Variants in CRACD observed in about 807,000 individuals in gnomAD.
The protein encoded by CRACD is capping protein inhibiting regulator of actin dynamics.
Under a neutral mutation model 106.8 loss-of-function variants are expected in CRACD, and 56 were observed. The ratio of observed to expected loss-of-function variants is 0.52; its 90% CI spans 0.42 to 0.66. The LOEUF (loss-of-function observed/expected upper bound fraction) is 0.66, where lower values mean the gene tolerates loss of function less well. CRACD is among the 30% of genes least tolerant of loss of function. The pLI is 0.00. For synonymous variants in CRACD, 754 were observed against 670.8 expected (o/e 1.12, Z -1.92); for missense variants, 1,730 against 1,623.2 (o/e 1.07, Z -1.13).
intron 2 of CRACD, among the ~76,000 whole-genome samples, chr4:56,267,194 C>T (rs886077972): frequency 6.6e-6 from 1 of 151,376 alleles, no homozygotes. Context: ...GATCTCGGCT[C>T]ACTACAACCT....
At chr4:56,289,607 G>A (rs540647545) in intron 3 of CRACD, among the ~76,000 whole-genome samples, 17 of 151,240 alleles carry the variant, frequency 1.1e-4, no homozygotes, top group African/African-American at 3.6e-4. Context: ...TGGAGAGTTC[G>A]AAGCTGCAGT....
At chr4:56,255,104 A>T (rs1741272528) in intron 2 of CRACD, among the ~76,000 whole-genome samples, 1 of 115,010 alleles carries the variant, frequency 8.7e-6, no homozygotes, top group South Asian at 3.4e-4. Flanking sequence ...ACAGAGTGAG[A>T]CTCCATCTCA....
chr4:56,127,412 G>A (rs1032517639), intron 1 of CRACD, among the ~76,000 whole-genome samples: 1 of 152,196 alleles, frequency 6.6e-6, no homozygotes, highest in African/African-American at 2.4e-5. Flanking sequence ...AAAGAGAGGA[G>A]TGCATTTTTT....
chr4:56,175,417 A>G (rs536330999), intron 1 of CRACD, among the ~76,000 whole-genome samples: 3 of 152,256 alleles, frequency 2.0e-5, no homozygotes, highest in East Asian at 3.9e-4. Context: ...GCATTTCCCT[A>G]ATGATTAATA....
chr4:56,202,448 T>C (rs1737926241), intron 2 of CRACD, among the ~76,000 whole-genome samples: 1 of 152,194 alleles, frequency 6.6e-6, no homozygotes, highest in Non-Finnish European at 1.5e-5. Context: ...AGTTTTGTCA[T>C]GTTGGCCAGG....
In CRACD at chr4:56,172,020, C is replaced by CTTTTTTTTT. The variant is rs35574683; in HGVS notation, c.-335-7257_-335-7249dup. 1.5e-4 allele frequency among the ~76,000 whole-genome samples: 16 copies of CTTTTTTTTT among 106,390 alleles called. 3 individuals carry two copies. Among genetic ancestry groups the CTTTTTTTTT allele is most frequent in the African/African-American group, 2.5e-4 (7 of 28,380 alleles). 69.8% of individuals were successfully genotyped at this position (106,390 alleles called of 152,430 possible). On this transcript the variant is annotated intron_variant, in intron 1 of 10. Coordinates refer to ENST00000682029, the MANE Select transcript of CRACD (RefSeq NM_001393381.1). ...GTGGAGGTATCTTTTGAGGGTTTCT[C>CTTTTTTTTT]TTTTTTTTTTTTTTTCAACTTTACA...
chr4:56,093,562 CT>C (rs763409078), intron 1 of CRACD, among the ~76,000 whole-genome samples: 35 of 152,314 alleles, frequency 2.3e-4, no homozygotes, highest in South Asian at 4.1e-4. Flanking sequence ...ACCTTCCCTT[CT>C]TTTAAAGGCT....
chr4:56,254,085 A>G (rs534424008), intron 2 of CRACD, among the ~76,000 whole-genome samples: 1 of 152,224 alleles, frequency 6.6e-6, no homozygotes, highest in South Asian at 2.1e-4. Context: ...AGCAATTGTT[A>G]TCTCTTTTGT....
In CRACD at chr4:56,210,763, G is replaced by C. The variant is rs895659226; in HGVS notation, c.-189+31333G>C. ...AAAACGATTTGAAGATTGCCAGTTA[G>C]ATGAGTTAAAGGTGTATTTGAGTTC... On this transcript the variant is annotated intron_variant, in intron 2 of 10. Coordinates refer to ENST00000682029, the MANE Select transcript of CRACD (RefSeq NM_001393381.1). 2.0e-5 allele frequency among the ~76,000 whole-genome samples: 3 copies of C among 152,302 alleles called. No individual in the cohort carries two copies. In the South Asian group the frequency reaches 6.2e-4, roughly 32 times the overall value.
intron 4 of CRACD, among the ~76,000 whole-genome samples, chr4:56,298,933 C>T (rs946997380): frequency 1.3e-5 from 2 of 151,546 alleles, no homozygotes; most frequent in Admixed American, 6.6e-5. Context: ...GCTCTCTCCC[C>T]AACAACAACA....
At chr4:56,055,554 C>G (rs995409400) in intron 1 of CRACD, among the ~76,000 whole-genome samples, 3 of 152,152 alleles carry the variant, frequency 2.0e-5, no homozygotes, top group Non-Finnish European at 4.4e-5. Context: ...TGTTAAGACA[C>G]TGCTGGTGAA....
chr4:56,136,748 C>G (rs1352030424), intron 1 of CRACD, among the ~76,000 whole-genome samples: 1 of 152,116 alleles, frequency 6.6e-6, no homozygotes, highest in Non-Finnish European at 1.5e-5. Flanking sequence ...AGAGAAAAAG[C>G]TTTTAATTTT....
rs369141894 is a variant in CRACD, at chr4:56,279,211, C to T, written c.-17+6719C>T. Among the ~76,000 whole-genome samples, 182 of 152,300 alleles carry T rather than the reference C, an allele frequency of 1.2e-3. 1 individual carries two copies. Among genetic ancestry groups the T allele is most frequent in the African/African-American group, 4.0e-3 (165 of 41,558 alleles). On this transcript the variant is annotated intron_variant, in intron 3 of 10. Transcript: ENST00000682029. ...TCCGACAATCCCCAGTGAGATGCAC[C>T]TGGTACCTCAGATGGAAATGCAGAA...
At chr4:56,264,865 C>G (rs1741913200) in intron 2 of CRACD, among the ~76,000 whole-genome samples, 1 of 152,202 alleles carries the variant, frequency 6.6e-6, no homozygotes, top group South Asian at 2.1e-4. Flanking sequence ...TTCTACATGG[C>G]TTCAGCAGGT....
chr4:56,284,086 C>A (rs1439718059), intron 3 of CRACD, among the ~76,000 whole-genome samples: 1 of 151,980 alleles, frequency 6.6e-6, no homozygotes, highest in East Asian at 1.9e-4. Flanking sequence ...CTCACGCTTT[C>A]CATTGTGATC....
Position 56,076,002 on chromosome 4 carries a change from G to A in CRACD, c.-336+26703G>A, listed in dbSNP as rs117492523. Among the ~76,000 whole-genome samples the A allele has an allele frequency of 3.2e-3, 484 of 152,244 alleles. 4 individuals are homozygous for A. The East Asian group carries it at 0.043, about 13-fold the overall frequency. The stretch of plus-strand genomic sequence containing the variant: ...AAAAAAAGTCTAAAAAGCTTCCTTT[G>A]GCTGGAAGAATGTTTCCCTTCAAAT... On this transcript the variant is annotated intron_variant, in intron 1 of 10. Coordinates refer to ENST00000682029, the MANE Select transcript of CRACD (RefSeq NM_001393381.1).
In CRACD at chr4:56,328,296, T is replaced by C; in HGVS notation, c.*492T>C. On this transcript the variant is annotated 3_prime_UTR_variant, in exon 11 of 11. Transcript: ENST00000682029. ...TCTAGCTAAAAGCAAGAACACCCAT[T>C]CTCCTGAATGCAGTGAGTAATTGGG... 1.9e-6 allele frequency: 1 copy of C among 517,998 alleles called. No individual in the cohort carries two copies. The highest frequency in any genetic ancestry group is 5.5e-5 in the East Asian group (1 of 18,348). 32.1% of individuals were successfully genotyped at this position (517,998 alleles called of 1,614,324 possible).
At chr4:56,292,855 A>G (rs966961668) in intron 3 of CRACD, among the ~76,000 whole-genome samples, 3 of 152,176 alleles carry the variant, frequency 2.0e-5, no homozygotes, top group Non-Finnish European at 4.4e-5. Flanking sequence ...TGATGTGTGA[A>G]GTCTAATTAA....
chr4:56,281,026 C>T lies in CRACD; in HGVS notation c.-17+8534C>T, dbSNP rs540606180. 2.8e-4 allele frequency among the ~76,000 whole-genome samples: 43 copies of T among 152,284 alleles called. 1 individual carries two copies. Among genetic ancestry groups the T allele is most frequent in the African/African-American group, 1.0e-3 (43 of 41,558 alleles). ...ATTAGGTACTAAGCAGGAAAATCAACAGAGCTGAGCTGAATATGTCTAGAG... is the reference window on the plus strand; with the variant it reads ...ATTAGGTACTAAGCAGGAAAATCAATAGAGCTGAGCTGAATATGTCTAGAG... On this transcript the variant is annotated intron_variant, in intron 3 of 10. Transcript: ENST00000682029.
Sources: allele counts gnomAD v4.1 joint callset (sites outside exome capture counted in the v4.1 genomes callset), GRCh38; gene constraint gnomAD v4.1.1; transcripts MANE v1.5; gene names NCBI Gene and HGNC (gene_info 2026-07-23, HGNC 2026-07-21).